Variants in TRPM3 observed in about 807,000 individuals in gnomAD.
The protein encoded by TRPM3 is long transient receptor potential channel 3.
A neutral mutation model predicts 181.2 loss-of-function variants in TRPM3; 77 were observed. The ratio of observed to expected loss-of-function variants is 0.42; its 90% CI spans 0.35 to 0.51. TRPM3 has a LOEUF of 0.51. Among genes scored for constraint, TRPM3 ranks in the 20% least tolerant of loss-of-function variants. The pLI, the probability that TRPM3 is intolerant of heterozygous loss-of-function variation, is 0.01. For synonymous variants in TRPM3, 745 were observed against 796.4 expected (o/e 0.94, Z 1.09); for missense variants, 1,759 against 2,196.7 (o/e 0.80, Z 3.98).
chr9:71,422,406 G>A (rs1309272197), intron 1 of TRPM3, among the ~76,000 whole-genome samples: 1 of 152,034 alleles, frequency 6.6e-6, no homozygotes, highest in African/African-American at 2.4e-5. Flanking sequence ...TTGCCTTGGA[G>A]GGACCTTTCC....
At chr9:71,388,769 T>C (rs1439260419) in intron 1 of TRPM3, among the ~76,000 whole-genome samples, 1 of 152,100 alleles carries the variant, frequency 6.6e-6, no homozygotes, top group African/African-American at 2.4e-5. Context: ...TTTTCTTCAA[T>C]TTCCCTAATG....
intron 7 of TRPM3, among the ~76,000 whole-genome samples, chr9:70,780,426 T>C (rs1166190702): frequency 6.6e-6 from 1 of 152,158 alleles, no homozygotes; most frequent in Non-Finnish European, 1.5e-5. Context: ...TATGATCACA[T>C]AGTTGTAGAT....
At chr9:70,866,790 G>T (rs142343840) in intron 1 of TRPM3, among the ~76,000 whole-genome samples, 1 of 152,108 alleles carries the variant, frequency 6.6e-6, no homozygotes, top group Non-Finnish European at 1.5e-5. Context: ...CAAACCAGAT[G>T]ATTCAGATAA....
intron 22 of TRPM3, among the ~76,000 whole-genome samples, chr9:70,571,079 A>G (rs1392772852): frequency 3.3e-5 from 5 of 152,216 alleles, no homozygotes; most frequent in Middle Eastern, 3.4e-3. Context: ...ATCTGTTTGG[A>G]GGCTTGACAG....
chr9:70,751,861 T>C (rs1203612025), intron 8 of TRPM3, among the ~76,000 whole-genome samples: 1 of 152,094 alleles, frequency 6.6e-6, no homozygotes, highest in Non-Finnish European at 1.5e-5. Flanking sequence ...GCTCAAGATA[T>C]AGTCACACTG....
At chr9:71,177,125 C>T (rs776742114) in intron 1 of TRPM3, among the ~76,000 whole-genome samples, 6 of 152,024 alleles carry the variant, frequency 3.9e-5, no homozygotes, top group Admixed American at 6.6e-5. Context: ...ACTGTGCATG[C>T]GAGGGATCTA....
intron 1 of TRPM3, among the ~76,000 whole-genome samples, chr9:70,976,252 C>A (rs2097301724): frequency 1.3e-5 from 2 of 152,064 alleles, no homozygotes; most frequent in Non-Finnish European, 2.9e-5. Flanking sequence ...CTCTCATGAG[C>A]CAAAACCTCA....
chr9:70,975,500 GTACAGT>G (rs1199688321), intron 1 of TRPM3, among the ~76,000 whole-genome samples: 4 of 152,110 alleles, frequency 2.6e-5, no homozygotes, highest in Non-Finnish European at 4.4e-5. Context: ...ATGTTTATAT[GTACAGT>G]TACCTAACAC....
chr9:71,143,961 AT>A (rs2075272173), intron 1 of TRPM3, among the ~76,000 whole-genome samples: 1 of 152,058 alleles, frequency 6.6e-6, no homozygotes. Flanking sequence ...AGCTTTCCAT[AT>A]GATTGTTGGC....
At position 70,536,423 on chromosome 9, in the gene TRPM3, C is replaced by A; in HGVS notation, c.4690G>T (p.Asp1564Tyr). Residue 1564 changes from aspartate (D) to tyrosine (Y), a missense_variant, in exon 26 of 26, where the codon GAC becomes TAC. Asp to Tyr is a radical substitution (Grantham distance 160, BLOSUM62 -3). Transcript: ENST00000677713. The stretch of plus-strand genomic sequence containing the variant: ...TGAGGGGCATTGACACACCTTGTGT[C>A]AATACAGTCTGTAATACTTGTGTAT... ...AEYTSITDCI[D>Y]TRCVNAPQAI... The A allele has an allele frequency of 6.2e-7, 1 of 1,614,116 alleles. No homozygotes were observed. Among genetic ancestry groups the A allele is most frequent in the South Asian group, 1.1e-5 (1 of 91,062 alleles).
At chr9:71,123,907 AC>A (rs1478341152), upstream of TRPM3, among the ~76,000 whole-genome samples, 1 of 152,166 alleles carries the variant, frequency 6.6e-6, no homozygotes, top group African/African-American at 2.4e-5. Context: ...AATGCTAAGG[AC>A]CCCACAAAAA....
intron 7 of TRPM3, among the ~76,000 whole-genome samples, chr9:70,782,185 G>A (rs1049111719): frequency 6.7e-6 from 1 of 148,398 alleles, no homozygotes; most frequent in African/African-American, 2.5e-5. Flanking sequence ...TTAGAGAAAG[G>A]AGAACCTTGG....
intron 6 of TRPM3, among the ~76,000 whole-genome samples, chr9:70,822,738 T>C (rs2093277755): frequency 6.8e-6 from 1 of 148,090 alleles, no homozygotes; most frequent in Admixed American, 6.9e-5. Flanking sequence ...TTTACCACAG[T>C]TTCAAAAACA....
chr9:71,004,188 G>T (rs957633971), intron 1 of TRPM3, among the ~76,000 whole-genome samples: 20 of 152,328 alleles, frequency 1.3e-4, no homozygotes, highest in African/African-American at 3.8e-4. Flanking sequence ...AGACTGGCCA[G>T]AGCCACAGTG....
At chr9:70,696,908 G>A (rs1410068043) in intron 8 of TRPM3, among the ~76,000 whole-genome samples, 1 of 152,088 alleles carries the variant, frequency 6.6e-6, no homozygotes, top group African/African-American at 2.4e-5. Flanking sequence ...CTGTGTGTCT[G>A]TCCTCAGTCC....
chr9:70,603,514 G>GAGACCCAGC (rs1564517037), intron 19 of TRPM3, 44 bp from the exon 20 acceptor site: 4 of 1,606,890 alleles, frequency 2.5e-6, no homozygotes, highest in Non-Finnish European at 3.4e-6. Context: ...TCAGGCCCAG[G>GAGACCCAGC]AGCCCCAGCA....
chr9:70,570,187 A>G (rs2051835879), intron 22 of TRPM3, among the ~76,000 whole-genome samples: 1 of 151,108 alleles, frequency 6.6e-6, no homozygotes, highest in African/African-American at 2.4e-5. Flanking sequence ...GTACACATGT[A>G]AAAATAATGG....
At chr9:70,632,959 A>G (rs1291632994) in intron 12 of TRPM3, among the ~76,000 whole-genome samples, 1 of 152,254 alleles carries the variant, frequency 6.6e-6, no homozygotes, top group African/African-American at 2.4e-5. Flanking sequence ...CCTATGGGGA[A>G]AAGAAAGTAA....
intron 1 of TRPM3, among the ~76,000 whole-genome samples, chr9:70,933,341 G>A (rs1377019673): frequency 6.6e-6 from 1 of 152,234 alleles, no homozygotes; most frequent in African/African-American, 2.4e-5. Flanking sequence ...TAAAGGGTAA[G>A]AGGAGAATAG....
Sources: gnomAD v4.1 joint callset for allele counts (sites outside exome capture counted in the v4.1 genomes callset) on GRCh38, gnomAD v4.1.1 for gene constraint, MANE v1.5 for transcripts, NCBI Gene and HGNC (gene_info 2026-07-23, HGNC 2026-07-21) for gene names.